Variants in LIPA observed in about 807,000 individuals in gnomAD.
The protein encoded by LIPA is lipase A, lysosomal acid type, also known as lysosomal acid lipase/cholesteryl ester hydrolase.
In LIPA, 26 loss-of-function variants were observed where a neutral mutation model predicts 40.6. The ratio of observed to expected loss-of-function variants is 0.64; its 90% CI spans 0.47 to 0.89. The LOEUF (loss-of-function observed/expected upper bound fraction) is 0.89. LIPA is among the 40% of genes least tolerant of loss of function. LIPA has a pLI of 0.00. For synonymous variants in LIPA, 188 were observed against 168.4 expected, an observed-to-expected ratio of 1.12 and a Z score of -0.90; for missense variants, 455 against 479.6, an observed-to-expected ratio of 0.95 and a Z score of 0.48.
chr10:89,249,516 T>C (rs1455407809), intron 1 of LIPA, among the ~76,000 whole-genome samples: 1 of 152,186 alleles, frequency 6.6e-6, no homozygotes, highest in Admixed American at 6.5e-5. Context: ...ATGCTTTAAA[T>C]GGATGATTGG....
intron 1 of LIPA, among the ~76,000 whole-genome samples, chr10:89,327,043 T>C (rs537751635): frequency 2.0e-5 from 3 of 152,326 alleles, no homozygotes; most frequent in African/African-American, 7.2e-5. Flanking sequence ...TTCCAAGTCA[T>C]AGGCAGATTC....
intron 2 of LIPA, among the ~76,000 whole-genome samples, chr10:89,390,108 T>A (rs1844235536): frequency 1.4e-5 from 2 of 147,116 alleles, no homozygotes; most frequent in African/African-American, 5.0e-5. Flanking sequence ...TGCCTCAGCC[T>A]CCCGAGTAGC....
chr10:89,295,781 T>A (rs1843409814), intron 1 of LIPA, among the ~76,000 whole-genome samples: 2 of 152,228 alleles, frequency 1.3e-5, no homozygotes, highest in African/African-American at 4.8e-5. Flanking sequence ...GGCAGAACTC[T>A]TTCTAATAAG....
rs750883960 is a variant in LIPA at position 89,215,959 on chromosome 10, C to A, written c.945G>T (p.Lys315Asn). ...TTACCTGGTTGTAATGAAAATAATT[C>A]TTGGCACTGCTTCCCCAGTCAAAGG... The part of the protein sequence containing the change: ...FQAFDWGSSA[K>N]NYFHYNQSYP... Residue 315 changes from lysine to asparagine, a missense_variant, in exon 9 of 10, where the codon AAG becomes AAT. By Grantham distance (94) the Lys-to-Asn change is moderately conservative. Transcript: ENST00000336233. The A allele has an allele frequency of 5.6e-6, 9 of 1,611,258 alleles. No homozygotes were observed. In the South Asian group the frequency reaches 6.6e-5, roughly 12 times the overall value.
intron 1 of LIPA, chr10:89,293,784 A>T (rs1311206229): frequency 1.3e-5 from 2 of 152,038 alleles, no homozygotes; most frequent in African/African-American, 4.8e-5. Flanking sequence ...AGGGGTTACC[A>T]GATTAGGGGC....
At chr10:89,306,245 T>G (rs1490935213) in intron 1 of LIPA, 1 of 1,614,126 alleles carries the variant, frequency 6.2e-7, no homozygotes. Context: ...TCTGGTCACC[T>G]GGGGAAACTA....
At chr10:89,221,242 C>T (rs566115198) in intron 8 of LIPA, among the ~76,000 whole-genome samples, 41 of 151,874 alleles carry the variant, frequency 2.7e-4, no homozygotes, top group Admixed American at 2.0e-3. Flanking sequence ...AATAATAAAA[C>T]GACTCGGGAG....
chr10:89,244,101 T>C (rs958666801), intron 3 of LIPA, among the ~76,000 whole-genome samples: 3 of 152,112 alleles, frequency 2.0e-5, no homozygotes, highest in African/African-American at 7.2e-5. Flanking sequence ...ACTCATTTTA[T>C]AACATATTTA....
chr10:89,251,878 C>T (rs1843129450), upstream of LIPA: 1 of 152,760 alleles, frequency 6.5e-6, no homozygotes, highest in African/African-American at 2.4e-5. Context: ...TTTGTTCAGC[C>T]AATCAGAGCA....
intron 1 of LIPA, chr10:89,332,482 A>C: frequency 6.5e-7 from 1 of 1,541,130 alleles, no homozygotes; most frequent in Non-Finnish European, 8.7e-7. Context: ...CATCAGTTTC[A>C]CTTTCCTTTC....
intron 2 of LIPA, among the ~76,000 whole-genome samples, chr10:89,408,609 T>A (rs921287203): frequency 2.4e-4 from 37 of 152,182 alleles, no homozygotes; most frequent in African/African-American, 8.9e-4. Context: ...TGGGTACATG[T>A]CCCCTGCTCC....
intron 1 of LIPA, among the ~76,000 whole-genome samples, chr10:89,317,389 G>A (rs1265604545): frequency 6.6e-6 from 1 of 152,206 alleles, no homozygotes; most frequent in Non-Finnish European, 1.5e-5. Context: ...TGATGGAGCT[G>A]AAAACCATGG....
chr10:89,349,502 G>T (rs1441600633), intron 2 of LIPA, among the ~76,000 whole-genome samples: 1 of 152,198 alleles, frequency 6.6e-6, no homozygotes, highest in African/African-American at 2.4e-5. Flanking sequence ...AAAAGATATA[G>T]GGAAAATGTG....
At chr10:89,293,612 C>A (rs1843389662) in intron 1 of LIPA, 1 of 151,630 alleles carries the variant, frequency 6.6e-6, no homozygotes, top group Non-Finnish European at 1.5e-5. Flanking sequence ...TCTGGTGAGA[C>A]CTCTCTTCCT....
At chr10:89,387,781 T>C (rs1245950896) in intron 2 of LIPA, among the ~76,000 whole-genome samples, 1 of 152,232 alleles carries the variant, frequency 6.6e-6, no homozygotes, top group Non-Finnish European at 1.5e-5. Flanking sequence ...GATGGGTGGA[T>C]AGAGAAATGA....
chr10:89,236,453 T>G (rs1842905793), intron 3 of LIPA, among the ~76,000 whole-genome samples: 1 of 152,254 alleles, frequency 6.6e-6, no homozygotes, highest in Non-Finnish European at 1.5e-5. Context: ...CATATGTTTT[T>G]CATCATGTTT....
intron 1 of LIPA, among the ~76,000 whole-genome samples, chr10:89,325,353 T>C (rs1171850219): frequency 6.6e-6 from 1 of 152,202 alleles, no homozygotes; most frequent in Non-Finnish European, 1.5e-5. Flanking sequence ...AACCCAGCAA[T>C]CCTATTATTG....
intron 2 of LIPA, among the ~76,000 whole-genome samples, chr10:89,411,787 A>T (rs1217834300): frequency 6.6e-6 from 1 of 152,190 alleles, no homozygotes; most frequent in African/African-American, 2.4e-5. Flanking sequence ...ATAGCACGAG[A>T]TGCCACCCGG....
At chr10:89,386,845 CATTA>C (rs1844213134) in intron 2 of LIPA, among the ~76,000 whole-genome samples, 1 of 152,114 alleles carries the variant, frequency 6.6e-6, no homozygotes, top group Admixed American at 6.5e-5. Flanking sequence ...CAAATTCATT[CATTA>C]ATTAATATTG....
Sources: allele counts gnomAD v4.1 joint callset (sites outside exome capture counted in the v4.1 genomes callset), GRCh38; gene constraint gnomAD v4.1.1; transcripts MANE v1.5; gene names NCBI Gene and HGNC (gene_info 2026-07-23, HGNC 2026-07-21).